The following MED10 variants were observed in gnomAD, a reference collection of about 807,000 sequenced individuals.
The protein encoded by MED10 is mediator complex subunit 10, also known as mediator of RNA polymerase II transcription subunit 10.
In MED10, 9 loss-of-function variants were observed where a neutral mutation model predicts 17.2. The ratio of observed to expected loss-of-function variants is 0.52; its 90% CI spans 0.31 to 0.91. The LOEUF (loss-of-function observed/expected upper bound fraction) is 0.91. MED10 is among the 40% of genes least tolerant of loss of function. The pLI, the probability that MED10 is intolerant of heterozygous loss-of-function variation, is 0.04. For missense variants in MED10, 129 were observed against 164.8 expected (o/e 0.78, Z 1.19); for synonymous variants, 66 against 59.8 (o/e 1.10, Z -0.48).
In MED10 at chr5:6,372,391, T is replaced by A. The variant is rs1267103016; in HGVS notation, c.*112A>T. 3.7e-6 allele frequency: 3 copies of A among 815,636 alleles called. No homozygotes were observed. The East Asian group carries it at 7.4e-5, about 20-fold the overall frequency. The allele number at this position is 815,636 out of a possible 1,614,324, so 50.5% of individuals were successfully genotyped here. On this transcript the variant is annotated 3_prime_UTR_variant, in exon 4 of 4. Coordinates refer to ENST00000255764, the MANE Select transcript of MED10 (RefSeq NM_032286.3). Reference sequence around the variant, plus strand: ...CAATGAGGACAGAGGGGCTGAGGGGTGTGTCCAGGGCCCAGTCCCACCTCA... The same window carrying A: ...CAATGAGGACAGAGGGGCTGAGGGGAGTGTCCAGGGCCCAGTCCCACCTCA...
chr5:6,374,047 A>C (rs1233505209), intron 3 of MED10, among the ~76,000 whole-genome samples: 2 of 152,264 alleles, frequency 1.3e-5, no homozygotes, highest in African/African-American at 2.4e-5. Context: ...ATAAAAGTGC[A>C]TCTTAAAAAA....
chr5:6,377,078 C>G, intron 2 of MED10, 88 bp downstream of exon 2: 2 of 821,102 alleles, frequency 2.4e-6, no homozygotes, highest in Admixed American at 2.6e-5. Context: ...ACAGCAGGCA[C>G]TCGAATGCCA....
At chr5:6,373,757 G>C (rs1737936259) in intron 3 of MED10, among the ~76,000 whole-genome samples, 1 of 152,130 alleles carries the variant, frequency 6.6e-6, no homozygotes, top group South Asian at 2.1e-4. Flanking sequence ...TCCAAATAAA[G>C]AAACAAAACA....
At chr5:6,372,677 A>C (rs1737912604) in intron 3 of MED10, 76 bp from the exon 4 acceptor site, 6 of 1,227,980 alleles carry the variant, frequency 4.9e-6, no homozygotes, top group Admixed American at 1.8e-5. Context: ...GCCTTTTGGA[A>C]GTTTAAACAC....
At chr5:6,374,525 C>A in intron 2 of MED10, 99 bp from the exon 3 acceptor site, 1 of 822,548 alleles carries the variant, frequency 1.2e-6, no homozygotes, top group Non-Finnish European at 2.1e-6. Context: ...GTATATATAA[C>A]TGCACACGGC....
intron 2 of MED10, among the ~76,000 whole-genome samples, chr5:6,375,903 G>T (rs1018886393): frequency 6.6e-6 from 1 of 152,086 alleles, no homozygotes; most frequent in Non-Finnish European, 1.5e-5. Context: ...CACTTCCCTC[G>T]GCCCTTAAGC....
intron 3 of MED10, among the ~76,000 whole-genome samples, chr5:6,373,519 A>T (rs1371503744): frequency 2.0e-5 from 3 of 152,236 alleles, no homozygotes; most frequent in African/African-American, 7.2e-5. Flanking sequence ...GGAAGGATAG[A>T]GTCGCTTGTG....
At chr5:6,375,413 T>C (rs1300569826) in intron 2 of MED10, among the ~76,000 whole-genome samples, 1 of 152,226 alleles carries the variant, frequency 6.6e-6, no homozygotes, top group Non-Finnish European at 1.5e-5. Flanking sequence ...GTAGCCTTGA[T>C]AGATAGCAAA....
rs4592 is a variant in MED10 at position 6,372,135 on chromosome 5, G to A, written c.*368C>T. The A allele has an allele frequency of 0.45, 84,029 of 184,754 alleles. 19,652 individuals are homozygous for A. The highest frequency in any genetic ancestry group is 0.51 in the South Asian group (3,226 of 6,278). 11.4% of individuals were successfully genotyped at this position (184,754 alleles called of 1,614,324 possible). On this transcript the variant is annotated 3_prime_UTR_variant, in exon 4 of 4. Coordinates refer to ENST00000255764, the MANE Select transcript of MED10 (RefSeq NM_032286.3). Reference sequence around the variant, plus strand: ...ACACCATAATACAATAGAACAGAAAGAGTATGTTAAAAGAAAAATATTAGG... The same window carrying A: ...ACACCATAATACAATAGAACAGAAAAAGTATGTTAAAAGAAAAATATTAGG...
rs375970028 is a variant in MED10, at chr5:6,378,534, C to T, written c.-51G>A. 1.9e-4 allele frequency: 303 copies of T among 1,570,636 alleles called. No homozygotes were observed. The African/African-American group carries it at 3.5e-3, about 18-fold the overall frequency. Reference sequence around the variant, plus strand: ...CAGCCTCAACCAGCAGCGCCGCAGGCGTGGCCCTACGCTCCCGCTTCCTGC... The same window carrying T: ...CAGCCTCAACCAGCAGCGCCGCAGGTGTGGCCCTACGCTCCCGCTTCCTGC... On this transcript the variant is annotated 5_prime_UTR_variant, in exon 1 of 4. Coordinates refer to ENST00000255764, the MANE Select transcript of MED10 (RefSeq NM_032286.3).
chr5:6,376,542 T>C (rs946387868), intron 2 of MED10, among the ~76,000 whole-genome samples: 1 of 152,232 alleles, frequency 6.6e-6, no homozygotes, highest in Non-Finnish European at 1.5e-5. Context: ...ACCTGGATTT[T>C]AAAAATCTAA....
At chr5:6,373,334 T>C (rs780267796) in intron 3 of MED10, among the ~76,000 whole-genome samples, 1 of 152,082 alleles carries the variant, frequency 6.6e-6, no homozygotes, top group Non-Finnish European at 1.5e-5. Flanking sequence ...CAGGCATCAG[T>C]GGGAACAGAA....
intron 2 of MED10, 106 bp from the exon 3 acceptor site, chr5:6,374,532 C>T (rs187754755): frequency 4.9e-5 from 39 of 793,878 alleles, no homozygotes; most frequent in African/African-American, 3.7e-4. Context: ...TAACTGCACA[C>T]GGCCTTGTTT....
At chr5:6,372,802 G>A (rs933336033) in intron 3 of MED10, among the ~76,000 whole-genome samples, 16 of 152,114 alleles carry the variant, frequency 1.1e-4, no homozygotes, top group African/African-American at 2.9e-4. Context: ...GCACAGCCCC[G>A]GACGTCACCA....
intron 2 of MED10, 81 bp downstream of exon 2, chr5:6,377,085 G>A (rs1022508974): frequency 8.7e-5 from 76 of 869,008 alleles, no homozygotes; most frequent in Non-Finnish European, 1.2e-4. Context: ...GCACTCGAAT[G>A]CCAGTGATGA....
intron 2 of MED10, among the ~76,000 whole-genome samples, chr5:6,376,549 C>G (rs910306709): frequency 1.3e-5 from 2 of 152,220 alleles, no homozygotes; most frequent in African/African-American, 4.8e-5. Flanking sequence ...TTTTAAAAAT[C>G]TAAAAGCTCA....
chr5:6,374,504 A>G (rs1362414561), intron 2 of MED10, 78 bp from the exon 3 acceptor site: 4 of 1,057,884 alleles, frequency 3.8e-6, no homozygotes, highest in African/African-American at 3.1e-5. Context: ...GTATGGGGGA[A>G]TAAAGGTTAG....
chr5:6,372,458 C>G lies in MED10; in HGVS notation c.*45G>C, dbSNP rs376965348. 15 of 1,543,322 alleles carry G rather than the reference C, an allele frequency of 9.7e-6. No homozygotes were observed. Among genetic ancestry groups the G allele is most frequent in the African/African-American group, 1.4e-5 (1 of 73,518 alleles). On this transcript the variant is annotated 3_prime_UTR_variant, in exon 4 of 4. Transcript: ENST00000255764. ...AGCACTCGCAGTCCCAGCCTCACGC[C>G]GCATCGCAGTCCCAGGGGATCTTCA...
chr5:6,376,994 G>A (rs1011267297), intron 2 of MED10, 172 bp downstream of exon 2: 2 of 437,422 alleles, frequency 4.6e-6, no homozygotes, highest in Non-Finnish European at 8.1e-6. Flanking sequence ...GTTCCATAAG[G>A]GCAGGTATTT....
Sources: allele counts gnomAD v4.1 joint callset (sites outside exome capture counted in the v4.1 genomes callset), GRCh38; gene constraint gnomAD v4.1.1; transcripts MANE v1.5; gene names NCBI Gene and HGNC (gene_info 2026-07-23, HGNC 2026-07-21).